TMEM178B: variants seen among roughly 807,000 people sequenced by gnomAD.
The protein encoded by TMEM178B is transmembrane protein 178B.
In TMEM178B, 5 loss-of-function variants were observed where a neutral mutation model predicts 31.0. That is an observed-to-expected ratio of 0.16 (90% CI 0.08 to 0.34). The LOEUF is 0.34. Ranked by LOEUF, TMEM178B falls within the 10% of genes least tolerant of loss-of-function variation. The pLI is 1.00. For missense variants in TMEM178B, 275 were observed against 400.3 expected, an observed-to-expected ratio of 0.69 and a Z score of 2.67; for synonymous variants, 164 against 164.0, an observed-to-expected ratio of 1.00 and a Z score of 0.00.
intron 1 of TMEM178B, among the ~76,000 whole-genome samples, chr7:141,121,632 C>T (rs1350255102): frequency 6.6e-6 from 1 of 152,148 alleles, no homozygotes; most frequent in Non-Finnish European, 1.5e-5. Flanking sequence ...CTCTTATTCT[C>T]TCAGTCTTGC....
intron 2 of TMEM178B, among the ~76,000 whole-genome samples, chr7:141,218,806 C>T (rs190074209): frequency 7.2e-5 from 11 of 152,226 alleles, no homozygotes; most frequent in African/African-American, 2.4e-4. Flanking sequence ...ACCTTCTCAC[C>T]CTGAACTTGT....
chr7:141,215,777 CCTTTCTTTCTTTCTTTCTTT>C (rs529722580), intron 2 of TMEM178B, among the ~76,000 whole-genome samples: 2,488 of 112,116 alleles, frequency 0.022, 48 homozygotes, highest in Non-Finnish European at 0.028. Context: ...TATATACTTT[CCTTTCTTTCTTTCTTTCTTT>C]CTTTCTTTCT....
chr7:141,081,148 C>G (rs1306620423), intron 1 of TMEM178B, among the ~76,000 whole-genome samples: 1 of 152,090 alleles, frequency 6.6e-6, no homozygotes, highest in African/African-American at 2.4e-5. Flanking sequence ...GTGACAGCTC[C>G]ATGTGCACCA....
At chr7:141,309,318 T>C (rs1798868698) in intron 2 of TMEM178B, among the ~76,000 whole-genome samples, 1 of 152,202 alleles carries the variant, frequency 6.6e-6, no homozygotes, top group African/African-American at 2.4e-5. Context: ...CCTTTTGCTC[T>C]TTAAATAGCA....
chr7:141,146,924 A>G (rs909605785), intron 1 of TMEM178B, among the ~76,000 whole-genome samples: 6 of 152,138 alleles, frequency 3.9e-5, no homozygotes, highest in African/African-American at 1.4e-4. Flanking sequence ...CTGGATCACC[A>G]TCTGTCTGTG....
intron 1 of TMEM178B, among the ~76,000 whole-genome samples, chr7:141,202,188 C>T (rs754502797): frequency 5.9e-5 from 9 of 152,150 alleles, no homozygotes; most frequent in Non-Finnish European, 1.2e-4. Flanking sequence ...AAATGAATAA[C>T]AGTACTCAAA....
At chr7:141,313,868 T>C (rs1798955698) in intron 2 of TMEM178B, among the ~76,000 whole-genome samples, 1 of 152,084 alleles carries the variant, frequency 6.6e-6, no homozygotes, top group African/African-American at 2.4e-5. Flanking sequence ...GGCACACTTT[T>C]GTTAGGACCC....
At chr7:141,445,974 G>A (rs1044030972) in intron 3 of TMEM178B, among the ~76,000 whole-genome samples, 2 of 152,122 alleles carry the variant, frequency 1.3e-5, no homozygotes, top group African/African-American at 4.8e-5. Flanking sequence ...CTTGCCTCTT[G>A]GAAAGTGCAG....
At chr7:141,188,388 A>G (rs1228426785) in intron 1 of TMEM178B, among the ~76,000 whole-genome samples, 1 of 152,234 alleles carries the variant, frequency 6.6e-6, no homozygotes, top group African/African-American at 2.4e-5. Flanking sequence ...CTCAATGGTG[A>G]GTATAATGCA....
chr7:141,276,887 T>C lies in TMEM178B; in HGVS notation c.496+64183T>C, dbSNP rs886997922. Among the ~76,000 whole-genome samples, 6 of 152,164 alleles carry C rather than the reference T, an allele frequency of 3.9e-5. No homozygotes were observed. In the South Asian group the frequency reaches 1.2e-3, roughly 32 times the overall value. On this transcript the variant is annotated intron_variant, in intron 2 of 3. Transcript: ENST00000565468. The stretch of plus-strand genomic sequence containing the variant: ...ATGGTAGGCAACTGTAACACAATAG[T>C]ATTCGTGTATTTAAACAATGTAAAC...
chr7:141,093,304 G>C (rs568944003), intron 1 of TMEM178B, among the ~76,000 whole-genome samples: 8 of 152,338 alleles, frequency 5.3e-5, no homozygotes, highest in Admixed American at 4.6e-4. Context: ...GGGCAGATGA[G>C]AAAAAGAAGT....
intron 2 of TMEM178B, among the ~76,000 whole-genome samples, chr7:141,340,476 C>T (rs910558693): frequency 7.2e-5 from 11 of 152,206 alleles, no homozygotes; most frequent in African/African-American, 1.9e-4. Flanking sequence ...GTATTAATAA[C>T]ATTCCATTTA....
intron 2 of TMEM178B, among the ~76,000 whole-genome samples, chr7:141,294,275 T>C (rs959518787): frequency 2.6e-5 from 4 of 152,212 alleles, no homozygotes; most frequent in African/African-American, 9.7e-5. Context: ...TCAGGGCCCC[T>C]TAGTTCCTCT....
chr7:141,470,699 A>T lies in TMEM178B; in HGVS notation c.798A>T (p.Gly266=). ...WGGLGLTLIS[G]FFCTLAPSVQ... The stretch of plus-strand genomic sequence containing the variant: ...GCCTGGGCCTCACACTCATCTCGGG[A>T]TTCTTCTGTACCTTAGCCCCTTCTG... Residue 266 remains glycine (G), a synonymous_variant, in exon 4 of 4, where the codon GGA becomes GGT. Transcript: ENST00000565468. The T allele has an allele frequency of 6.5e-7, 1 of 1,535,596 alleles. No homozygotes were observed. Among genetic ancestry groups the T allele is most frequent in the South Asian group, 1.2e-5 (1 of 84,034 alleles).
chr7:141,341,049 TATG>T (rs2116510595), intron 2 of TMEM178B, among the ~76,000 whole-genome samples: 1 of 152,266 alleles, frequency 6.6e-6, no homozygotes, highest in South Asian at 2.1e-4. Flanking sequence ...TGGAAATATA[TATG>T]CACCTTCACA....
At chr7:141,244,127 A>G (rs1456887771) in intron 2 of TMEM178B, among the ~76,000 whole-genome samples, 11 of 152,220 alleles carry the variant, frequency 7.2e-5, no homozygotes, top group Admixed American at 7.2e-4. Context: ...AGGTCCTGAG[A>G]TAAGCATTGC....
intron 1 of TMEM178B, among the ~76,000 whole-genome samples, chr7:141,085,968 GAT>G (rs1298189220): frequency 6.6e-6 from 1 of 152,106 alleles, no homozygotes; most frequent in Admixed American, 6.5e-5. Flanking sequence ...TCATTAATAA[GAT>G]AATGATGTAT....
chr7:141,254,635 T>C (rs1365999107), intron 2 of TMEM178B, among the ~76,000 whole-genome samples: 1 of 152,084 alleles, frequency 6.6e-6, no homozygotes, highest in Non-Finnish European at 1.5e-5. Flanking sequence ...GGAGAATGGC[T>C]TGAACCCGGG....
intron 2 of TMEM178B, among the ~76,000 whole-genome samples, chr7:141,336,957 C>T (rs1799411131): frequency 1.8e-5 from 2 of 112,182 alleles, no homozygotes; most frequent in Admixed American, 8.9e-5. Flanking sequence ...ACCACCACCA[C>T]CATCACTACC....
Sources: gnomAD v4.1 joint callset for allele counts (sites outside exome capture counted in the v4.1 genomes callset) on GRCh38, gnomAD v4.1.1 for gene constraint, MANE v1.5 for transcripts, NCBI Gene and HGNC (gene_info 2026-07-23, HGNC 2026-07-21) for gene names.